The following MYO16 variants were observed in gnomAD, a reference collection of about 807,000 sequenced individuals.
MYO16 encodes the protein myosin XVI, also known as unconventional myosin-XVI.
Under a neutral mutation model 205.3 loss-of-function variants are expected in MYO16, and 94 were observed. The ratio of observed to expected loss-of-function variants is 0.46; its 90% CI spans 0.39 to 0.54. The LOEUF is 0.54. MYO16 is among the 20% of genes least tolerant of loss of function. The pLI, the probability that MYO16 is intolerant of heterozygous loss-of-function variation, is 0.00. For missense variants in MYO16, 2,315 were observed against 2,387.5 expected, an observed-to-expected ratio of 0.97 and a Z score of 0.63; for synonymous variants, 988 against 954.0, an observed-to-expected ratio of 1.04 and a Z score of -0.66.
rs60854238 is a variant in MYO16, at chr13:109,133,381, C to T, written c.4051+5831C>T. 6.1e-3 allele frequency among the ~76,000 whole-genome samples: 934 copies of T among 152,306 alleles called. 8 individuals are homozygous for T. Among genetic ancestry groups the T allele is most frequent in the African/African-American group, 0.021 (860 of 41,564 alleles). ...CAAGCATCTCATTCCTCCTTTTTCTCATAGATTAACTATGCAGGTATTTTG... is the reference window on the plus strand; with the variant it reads ...CAAGCATCTCATTCCTCCTTTTTCTTATAGATTAACTATGCAGGTATTTTG... On this transcript the variant is annotated intron_variant, in intron 31 of 34. Coordinates refer to ENST00000457511, the MANE Select transcript of MYO16 (RefSeq NM_001198950.3).
At chr13:108,507,656 C>T in the MYO16 span, among the ~76,000 whole-genome samples, 3 of 152,104 alleles carry the variant, frequency 2.0e-5, no homozygotes, top group Non-Finnish European at 4.4e-5. Context: ...TGTCTATTTT[C>T]ATCCTCAGAT....
rs181233322 is a variant in MYO16 at position 109,127,806 on chromosome 13, A to G, written c.4051+256A>G. Among the ~76,000 whole-genome samples the G allele has an allele frequency of 1.3e-5, 2 of 151,794 alleles. No homozygotes were observed. Among genetic ancestry groups the G allele is most frequent in the African/African-American group, 4.8e-5 (2 of 41,282 alleles). On this transcript the variant is annotated intron_variant, in intron 31 of 34. Transcript: ENST00000457511. The surrounding 1 kb of genome is among the most constrained non-coding windows in gnomAD (Gnocchi z 4.2). ...CCCTGCCTCCAAAGAGCAGTATCAA[A>G]TCAATTCAGAAAGTCGGCAGCTATT... is the stretch of plus-strand genomic sequence containing the variant.
At chr13:108,657,971 T>A (rs1465604040) in intron 1 of MYO16, among the ~76,000 whole-genome samples, 1 of 152,168 alleles carries the variant, frequency 6.6e-6, no homozygotes, top group Admixed American at 6.5e-5. Context: ...CATTCATGGG[T>A]TCATTTTGCT....
chr13:108,889,478 T>G (rs1880058107), intron 14 of MYO16, among the ~76,000 whole-genome samples: 1 of 152,220 alleles, frequency 6.6e-6, no homozygotes, highest in South Asian at 2.1e-4. Flanking sequence ...TTAAAAGGTT[T>G]GTTCAGACCA....
chr13:108,523,061 T>A, the MYO16 span, among the ~76,000 whole-genome samples: 101 of 152,204 alleles, frequency 6.6e-4, no homozygotes, highest in Non-Finnish European at 1.2e-3. Context: ...AATATGGAAA[T>A]AGACATTACA....
intron 4 of MYO16, among the ~76,000 whole-genome samples, chr13:108,742,577 T>C (rs1884943420): frequency 6.6e-6 from 1 of 152,214 alleles, no homozygotes; most frequent in Non-Finnish European, 1.5e-5. Context: ...ACCAATGCTC[T>C]ATAACTCGAA....
chr13:108,833,665 C>G (rs1012572205), intron 9 of MYO16, among the ~76,000 whole-genome samples: 3 of 152,058 alleles, frequency 2.0e-5, no homozygotes, highest in Non-Finnish European at 2.9e-5. Context: ...TTATTACATT[C>G]CTGTTTCCAT....
chr13:108,669,311 A>T (rs963613351), intron 2 of MYO16, among the ~76,000 whole-genome samples: 1 of 152,054 alleles, frequency 6.6e-6, no homozygotes, highest in Non-Finnish European at 1.5e-5. Context: ...TGACCATTGC[A>T]TTTAGGAGTA....
chr13:108,705,489 CA>C (rs1369544960), intron 2 of MYO16, among the ~76,000 whole-genome samples: 6 of 152,184 alleles, frequency 3.9e-5, no homozygotes, highest in African/African-American at 1.4e-4. Flanking sequence ...AAGGAGACCA[CA>C]TTCATATAAC....
At chr13:108,604,862 A>C (rs528174806) in intron 1 of MYO16, among the ~76,000 whole-genome samples, 1 of 152,200 alleles carries the variant, frequency 6.6e-6, no homozygotes, top group Non-Finnish European at 1.5e-5. Flanking sequence ...TGCACAGTTC[A>C]TGGTAATGGG....
At chr13:108,549,081 G>C in the MYO16 span, among the ~76,000 whole-genome samples, 7 of 152,300 alleles carry the variant, frequency 4.6e-5, no homozygotes, top group African/African-American at 1.7e-4. Context: ...CTGATTGTTA[G>C]ATTCCCATAT....
At chr13:108,676,745 G>A (rs1313200085) in intron 2 of MYO16, among the ~76,000 whole-genome samples, 1 of 152,172 alleles carries the variant, frequency 6.6e-6, no homozygotes, top group Non-Finnish European at 1.5e-5. Flanking sequence ...GAGGAGAGGC[G>A]TGGTTTGTTA....
chr13:108,792,206 T>G (rs1164881301), intron 5 of MYO16, among the ~76,000 whole-genome samples: 1 of 152,208 alleles, frequency 6.6e-6, no homozygotes, highest in Non-Finnish European at 1.5e-5. Context: ...GTGCACCACC[T>G]ACCCACCTGG....
At chr13:108,581,396 A>G in the MYO16 span, among the ~76,000 whole-genome samples, 1 of 151,990 alleles carries the variant, frequency 6.6e-6, no homozygotes, top group Non-Finnish European at 1.5e-5. Context: ...GAACATCCAA[A>G]CTCTATTACT....
At chr13:108,510,473 T>TTTTG in the MYO16 span, among the ~76,000 whole-genome samples, 2 of 131,288 alleles carry the variant, frequency 1.5e-5, no homozygotes, top group East Asian at 4.8e-4. Flanking sequence ...TTTTTTTTTT[T>TTTTG]TTTTTTTTTT....
intron 10 of MYO16, among the ~76,000 whole-genome samples, chr13:108,849,227 G>C (rs1003067717): frequency 6.6e-6 from 1 of 151,990 alleles, no homozygotes; most frequent in African/African-American, 2.4e-5. Flanking sequence ...GTCTTACTCT[G>C]TCGCCCAGAC....
At chr13:109,192,262 G>T (rs570295201) in intron 34 of MYO16, among the ~76,000 whole-genome samples, 15 of 152,244 alleles carry the variant, frequency 9.9e-5, no homozygotes, top group Middle Eastern at 3.4e-3. Context: ...AGCCCAAGTG[G>T]ATTTAAATTA....
the MYO16 span, among the ~76,000 whole-genome samples, chr13:108,533,769 A>G: frequency 3.3e-5 from 5 of 152,244 alleles, no homozygotes; most frequent in East Asian, 1.9e-4. Flanking sequence ...TCTATTTTCC[A>G]TATAAATAAA....
intron 16 of MYO16, among the ~76,000 whole-genome samples, chr13:108,943,827 C>T (rs1018690971): frequency 3.3e-5 from 5 of 152,116 alleles, no homozygotes; most frequent in Admixed American, 6.6e-5. Flanking sequence ...CCTCGTGATC[C>T]GCCCGCCTCG....
Sources: gnomAD v4.1 joint callset for allele counts (sites outside exome capture counted in the v4.1 genomes callset) on GRCh38, gnomAD v4.1.1 for gene constraint, Gnocchi (gnomAD v3.1) non-coding constraint, MANE v1.5 for transcripts, NCBI Gene and HGNC (gene_info 2026-07-23, HGNC 2026-07-21) for gene names.